Variants in SFRP1 observed in about 807,000 individuals in gnomAD.
SFRP1 encodes the protein secreted frizzled-related protein 1.
Under a neutral mutation model 25.9 loss-of-function variants are expected in SFRP1, and 9 were observed. The ratio of observed to expected loss-of-function variants is 0.35; its 90% CI spans 0.21 to 0.61. The LOEUF (loss-of-function observed/expected upper bound fraction) is 0.61. Among genes scored for constraint, SFRP1 ranks in the 20% least tolerant of loss-of-function variants. The pLI, the probability that SFRP1 is intolerant of heterozygous loss-of-function variation, is 0.78. For missense variants in SFRP1, 346 were observed against 418.2 expected (o/e 0.83, Z 1.51); for synonymous variants, 178 against 174.0 (o/e 1.02, Z -0.18).
chr8:41,283,370 G>A (rs1010391658), intron 2 of SFRP1, among the ~76,000 whole-genome samples: 1 of 152,004 alleles, frequency 6.6e-6, no homozygotes, highest in Non-Finnish European at 1.5e-5. Flanking sequence ...AGACAGAGCT[G>A]GTGGCCAGAT....
chr8:41,264,242 T>C lies in SFRP1; in HGVS notation c.*925A>G, dbSNP rs142904712. On this transcript the variant is annotated 3_prime_UTR_variant, in exon 3 of 3. Coordinates refer to ENST00000220772, the MANE Select transcript of SFRP1 (RefSeq NM_003012.5). ...ATGTGAAAAGGAAAAAACATGAGAT[T>C]AGAATCCTAAGCTCTTCACCCAATT... 1.2e-3 allele frequency: 190 copies of C among 152,362 alleles called. 2 individuals carry two copies. Among genetic ancestry groups the C allele is most frequent in the African/African-American group, 4.4e-3 (182 of 41,584 alleles). 9.4% of individuals were successfully genotyped at this position (152,362 alleles called of 1,614,324 possible).
intron 2 of SFRP1, among the ~76,000 whole-genome samples, chr8:41,277,708 A>T (rs1803588005): frequency 6.6e-6 from 1 of 152,200 alleles, no homozygotes; most frequent in Non-Finnish European, 1.5e-5. Flanking sequence ...CTTGAACTCC[A>T]GGGCTCAAAG....
chr8:41,308,541 T>G (rs1048088171), intron 1 of SFRP1, 75 bp downstream of exon 1: 5 of 1,234,000 alleles, frequency 4.1e-6, no homozygotes, highest in Non-Finnish European at 1.1e-6. Context: ...GGGCGTAGGG[T>G]GGCGCGGGTT....
chr8:41,284,450 T>A (rs1803674019), intron 2 of SFRP1, among the ~76,000 whole-genome samples: 1 of 150,334 alleles, frequency 6.7e-6, no homozygotes, highest in Non-Finnish European at 1.5e-5. Context: ...ACTCATGCAC[T>A]GGGCACAGTG....
At chr8:41,295,469 C>T (rs1265775072) in intron 2 of SFRP1, among the ~76,000 whole-genome samples, 2 of 150,152 alleles carry the variant, frequency 1.3e-5, no homozygotes, top group Non-Finnish European at 2.9e-5. Flanking sequence ...GCAGAGGTTG[C>T]AATGAGCTAA....
chr8:41,299,395 T>A (rs1006453236), intron 2 of SFRP1, among the ~76,000 whole-genome samples: 9 of 149,826 alleles, frequency 6.0e-5, no homozygotes, highest in Non-Finnish European at 1.0e-4. Context: ...CTTTTAAACA[T>A]GTATACATGT....
Position 41,306,659 on chromosome 8 carries a change from C to T in SFRP1, c.544+1957G>A, listed in dbSNP as rs577683083. 8 of 1,559,368 alleles carry T rather than the reference C, an allele frequency of 5.1e-6. No individual in the cohort carries two copies. The East Asian group carries it at 9.2e-5, about 18-fold the overall frequency. ...GAAAACCAGTCCCAAGCCCCACTCC[C>T]GACCGGCCCTCTCCCCACTTTTCTC... On this transcript the variant is annotated intron_variant, in intron 1 of 2. Transcript: ENST00000220772.
intron 2 of SFRP1, among the ~76,000 whole-genome samples, chr8:41,292,900 C>T (rs569868917): frequency 6.2e-4 from 95 of 152,322 alleles, no homozygotes; most frequent in African/African-American, 2.2e-3. Flanking sequence ...GGCTGGGTGC[C>T]GGCTGGCATT....
chr8:41,309,190 C>T lies in SFRP1; in HGVS notation c.-31G>A. ...CTCTGCGCCCTGTTCTCCGCGACGTCGGGGCTGCCTCCGCCGCCTCCCCGC... is the reference window on the plus strand; with the variant it reads ...CTCTGCGCCCTGTTCTCCGCGACGTTGGGGCTGCCTCCGCCGCCTCCCCGC... On this transcript the variant is annotated 5_prime_UTR_variant, in exon 1 of 3. Transcript: ENST00000220772. 7.8e-7 allele frequency: 1 copy of T among 1,284,778 alleles called. No individual in the cohort carries two copies. The allele number at this position is 1,284,778 out of a possible 1,614,324, so 79.6% of individuals were successfully genotyped here. A position where few individuals can be genotyped will look rare whatever the true frequency, so the allele number is the denominator to read the frequency against.
intron 2 of SFRP1, among the ~76,000 whole-genome samples, chr8:41,288,504 TC>T (rs538758804): frequency 4.2e-5 from 5 of 120,128 alleles, no homozygotes; most frequent in Non-Finnish European, 8.0e-5. Context: ...GCCACCGCAG[TC>T]CAGCCTGGGC....
chr8:41,305,562 T>C (rs1435705361), intron 1 of SFRP1, among the ~76,000 whole-genome samples: 1 of 152,224 alleles, frequency 6.6e-6, no homozygotes, highest in Non-Finnish European at 1.5e-5. Context: ...GCCTCATTGG[T>C]GCGTCTTGGG....
chr8:41,306,747 G>T, intron 1 of SFRP1: 1 of 1,598,058 alleles, frequency 6.3e-7, no homozygotes, highest in Non-Finnish European at 8.5e-7. Flanking sequence ...AGGAGTGGAG[G>T]TGAGTGAGGA....
chr8:41,266,416 A>C (rs1176537956), intron 2 of SFRP1, among the ~76,000 whole-genome samples: 1 of 152,034 alleles, frequency 6.6e-6, no homozygotes, highest in African/African-American at 2.4e-5. Flanking sequence ...AAAGACAAAA[A>C]ATCCTGAGTG....
intron 1 of SFRP1, chr8:41,306,649 G>A: frequency 6.5e-7 from 1 of 1,530,104 alleles, no homozygotes; most frequent in Non-Finnish European, 8.8e-7. Context: ...CCAGTCCCAA[G>A]CCCCACTCCC....
chr8:41,276,796 G>A (rs1803577043), intron 2 of SFRP1, among the ~76,000 whole-genome samples: 1 of 152,204 alleles, frequency 6.6e-6, no homozygotes, highest in Admixed American at 6.5e-5. Flanking sequence ...TTTAATTGAA[G>A]TTGTCCTGTT....
At chr8:41,291,356 T>C (rs891814137) in intron 2 of SFRP1, among the ~76,000 whole-genome samples, 1 of 152,198 alleles carries the variant, frequency 6.6e-6, no homozygotes, top group Non-Finnish European at 1.5e-5. Flanking sequence ...TTTGTCATCA[T>C]TTCTAGATAC....
intron 1 of SFRP1, among the ~76,000 whole-genome samples, chr8:41,307,813 G>A (rs1199635090): frequency 3.9e-5 from 6 of 152,192 alleles, no homozygotes; most frequent in African/African-American, 1.4e-4. Flanking sequence ...AGGCTGTTAG[G>A]AAAGTCTGCA....
rs1372344963 is a variant in SFRP1, at chr8:41,277,538, T to C, written c.623-12049A>G. Among the ~76,000 whole-genome samples, 6 of 152,136 alleles carry C rather than the reference T, an allele frequency of 3.9e-5. No individual in the cohort carries two copies. In the South Asian group the frequency reaches 8.3e-4, roughly 21 times the overall value. Reference sequence around the variant, plus strand: ...AGCATCATCAGAATCACCTGGAGGATTGTTAAAAATGCAGACTGCTGGGCT... The same window carrying C: ...AGCATCATCAGAATCACCTGGAGGACTGTTAAAAATGCAGACTGCTGGGCT... On this transcript the variant is annotated intron_variant, in intron 2 of 2. Coordinates refer to ENST00000220772, the MANE Select transcript of SFRP1 (RefSeq NM_003012.5).
intron 2 of SFRP1, among the ~76,000 whole-genome samples, chr8:41,301,362 G>A (rs560333542): frequency 1.3e-5 from 2 of 152,224 alleles, no homozygotes; most frequent in African/African-American, 4.8e-5. Context: ...GAAGTGAGCT[G>A]AGCTAGGAAA....
Sources: gnomAD v4.1 joint callset for allele counts (sites outside exome capture counted in the v4.1 genomes callset) on GRCh38, gnomAD v4.1.1 for gene constraint, MANE v1.5 for transcripts, NCBI Gene and HGNC (gene_info 2026-07-23, HGNC 2026-07-21) for gene names.